TEX11: variants seen among roughly 807,000 people sequenced by gnomAD.
TEX11 encodes testis expressed 11, also known as testis-expressed protein 11.
TEX11 carries 7 observed loss-of-function variants against 84.4 expected under a neutral mutation model. The observed-to-expected ratio is 0.08, with a 90% CI of 0.05 to 0.16. The LOEUF is 0.16. Among genes scored for constraint, TEX11 ranks in the 10% least tolerant of loss-of-function variants. The pLI, the probability that TEX11 is intolerant of heterozygous loss-of-function variation, is 1.00. For missense variants in TEX11, 551 were observed against 660.5 expected, an observed-to-expected ratio of 0.83 and a Z score of 1.82; for synonymous variants, 264 against 222.8, an observed-to-expected ratio of 1.18 and a Z score of -1.64.
chrX:70,663,811 C>T (rs998360752), intron 16 of TEX11, among the ~76,000 whole-genome samples: 6 of 111,606 alleles, frequency 5.4e-5, no homozygotes, highest in African/African-American at 2.0e-4. Context: ...AAATCGAACC[C>T]TTGTAAGTCA....
intron 7 of TEX11, among the ~76,000 whole-genome samples, chrX:70,839,230 G>T: frequency 1.5e-5 from 1 of 65,037 alleles, no homozygotes; most frequent in East Asian, 7.2e-4. Context: ...GCCTAACTGG[G>T]AGGCACCCCC....
intron 10 of TEX11, among the ~76,000 whole-genome samples, chrX:70,741,309 T>C (rs2090732423): frequency 8.9e-6 from 1 of 111,770 alleles, no homozygotes; most frequent in Admixed American, 9.6e-5. Flanking sequence ...ACAATGTATG[T>C]TTTAAAAAAG....
At chrX:70,878,317 C>T (rs943780838) in intron 3 of TEX11, among the ~76,000 whole-genome samples, 12 of 109,660 alleles carry the variant, frequency 1.1e-4, no homozygotes, top group Admixed American at 5.9e-4. Context: ...GGACTACAGG[C>T]GCCTGCCACC....
intron 17 of TEX11, among the ~76,000 whole-genome samples, chrX:70,640,814 C>G (rs2089646794): frequency 9.0e-6 from 1 of 110,980 alleles, no homozygotes; most frequent in Admixed American, 9.6e-5. Context: ...GCTGCAAAAT[C>G]ATGCCAAAAT....
At chrX:70,786,343 A>T (rs2091079030) in intron 9 of TEX11, among the ~76,000 whole-genome samples, 1 of 111,423 alleles carries the variant, frequency 9.0e-6, no homozygotes. Flanking sequence ...TGGGGGAGGG[A>T]TAGCATTAGG....
chrX:70,561,744 A>G (rs1438201343), intron 25 of TEX11, among the ~76,000 whole-genome samples: 4 of 111,531 alleles, frequency 3.6e-5, no homozygotes, highest in African/African-American at 1.3e-4. Context: ...ACCATATTAT[A>G]TGCATGTCTA....
chrX:70,535,191 TACC>T (rs1297583208), intron 28 of TEX11, among the ~76,000 whole-genome samples: 1 of 112,453 alleles, frequency 8.9e-6, no homozygotes, highest in Non-Finnish European at 1.9e-5. Flanking sequence ...TGAATGGAAA[TACC>T]ACATTTTGTT....
intron 17 of TEX11, among the ~76,000 whole-genome samples, chrX:70,630,375 C>T (rs1603166099): frequency 9.3e-6 from 1 of 107,712 alleles, no homozygotes; most frequent in South Asian, 4.0e-4. Flanking sequence ...AATTAATGGG[C>T]AAAACACACT....
chrX:70,551,028 A>C (rs1038908145), intron 28 of TEX11, among the ~76,000 whole-genome samples: 1 of 111,692 alleles, frequency 9.0e-6, no homozygotes, highest in African/African-American at 3.3e-5. Context: ...TGAATGGATA[A>C]AGAAAATGTG....
chrX:70,650,215 G>T (rs890029387), intron 17 of TEX11, among the ~76,000 whole-genome samples: 15 of 110,631 alleles, frequency 1.4e-4, no homozygotes, highest in African/African-American at 4.9e-4. Context: ...ATGACTGTAT[G>T]CACTTCAAAA....
chrX:70,645,927 C>T (rs943462559), intron 17 of TEX11, among the ~76,000 whole-genome samples: 1 of 110,990 alleles, frequency 9.0e-6, no homozygotes, highest in Non-Finnish European at 1.9e-5. Flanking sequence ...AAAATACTGA[C>T]GTTTCCACGG....
At chrX:70,750,933 A>AAAAAATATATATAT (rs1390175136) in intron 9 of TEX11, among the ~76,000 whole-genome samples, 2 of 28,196 alleles carry the variant, frequency 7.1e-5, no homozygotes, top group Non-Finnish European at 1.4e-4. Context: ...AAAAAAAAAA[A>AAAAAATATATATAT]ATATATATAT....
intron 20 of TEX11, 38 bp downstream of exon 20, chrX:70,623,912 C>G (rs369618087): frequency 9.1e-7 from 1 of 1,104,208 alleles, no homozygotes; most frequent in Non-Finnish European, 1.2e-6. Flanking sequence ...TATAATTTGT[C>G]TAATGGGGAA....
At chrX:70,784,695 G>A (rs187826068) in intron 9 of TEX11, among the ~76,000 whole-genome samples, 7 of 111,520 alleles carry the variant, frequency 6.3e-5, no homozygotes, top group Non-Finnish European at 1.3e-4. Flanking sequence ...TACAAACAGA[G>A]AGCCAAATCA....
intron 8 of TEX11, among the ~76,000 whole-genome samples, chrX:70,815,366 T>C (rs1033054754): frequency 9.0e-6 from 1 of 111,636 alleles, no homozygotes; most frequent in African/African-American, 3.2e-5. Flanking sequence ...TTAATACATT[T>C]ATTACTATAA....
intron 2 of TEX11, among the ~76,000 whole-genome samples, chrX:70,887,986 C>A (rs557170253): frequency 8.8e-6 from 1 of 113,261 alleles, no homozygotes; most frequent in Non-Finnish European, 1.9e-5. Context: ...GGTATCTCTA[C>A]GAGTCTGCAA....
chrX:70,755,765 G>A (rs185436363), intron 9 of TEX11, among the ~76,000 whole-genome samples: 129 of 112,404 alleles, frequency 1.1e-3, no homozygotes, highest in Middle Eastern at 4.6e-3. Context: ...GCAGCCCACG[G>A]AGGGCGAACC....
intron 16 of TEX11, among the ~76,000 whole-genome samples, chrX:70,667,978 T>C (rs1351045845): frequency 9.1e-6 from 1 of 109,922 alleles, no homozygotes; most frequent in African/African-American, 3.3e-5. Context: ...ACAGCTAGGG[T>C]TGAGATCTGT....
intron 28 of TEX11, among the ~76,000 whole-genome samples, chrX:70,545,663 G>C (rs192219338): frequency 8.9e-6 from 1 of 112,360 alleles, no homozygotes; most frequent in Admixed American, 9.4e-5. Context: ...ATAGTAATTT[G>C]TTATATCATT....
Sources: gnomAD v4.1 joint callset for allele counts (sites outside exome capture counted in the v4.1 genomes callset) on GRCh38, gnomAD v4.1.1 for gene constraint, MANE v1.5 for transcripts, NCBI Gene and HGNC (gene_info 2026-07-23, HGNC 2026-07-21) for gene names.